DOP1B: variants seen among roughly 807,000 people sequenced by gnomAD.
The protein encoded by DOP1B is protein DOP1B.
Under a neutral mutation model 233.5 loss-of-function variants are expected in DOP1B, and 174 were observed. That is an observed-to-expected ratio of 0.75 (90% confidence interval 0.66 to 0.85). The LOEUF is 0.85. Ranked by LOEUF, DOP1B falls within the 40% of genes least tolerant of loss-of-function variation. The pLI, the probability that DOP1B is intolerant of heterozygous loss-of-function variation, is 0.00. For synonymous variants in DOP1B, 1,190 were observed against 1,185.6 expected, an observed-to-expected ratio of 1.00 and a Z score of -0.08; for missense variants, 2,652 against 2,846.6, an observed-to-expected ratio of 0.93 and a Z score of 1.56.
intron 1 of DOP1B, among the ~76,000 whole-genome samples, chr21:36,163,290 G>A (rs1270525584): frequency 2.8e-5 from 4 of 140,444 alleles, no homozygotes; most frequent in Non-Finnish European, 6.0e-5. Flanking sequence ...GTTGCAGTGA[G>A]CCAAGATTGC....
chr21:36,239,995 G>C (rs375692638), intron 18 of DOP1B, 40 bp downstream of exon 18: 77 of 1,570,646 alleles, frequency 4.9e-5, no homozygotes, highest in Non-Finnish European at 6.0e-5. Context: ...AGGGAGGAAT[G>C]GGTGGGGGGA....
At position 36,260,738 on chromosome 21, in the gene DOP1B, A is replaced by G; in HGVS notation, c.5315+6A>G. 6.2e-7 allele frequency: 1 copy of G among 1,613,988 alleles called. No homozygotes were observed. The highest frequency in any genetic ancestry group is 8.5e-7 in the Non-Finnish European group (1 of 1,179,974). On this transcript the variant is annotated splice_donor_region_variant and intron_variant, in intron 24 of 36. Transcript: ENST00000691173. ...TGCTATGCTTTTCTCCAAAGGTAAT[A>G]CAGTCCCCCGTCCTCCAAAAACTTC...
At chr21:36,269,935 C>A in intron 26 of DOP1B, 78 bp from the exon 27 acceptor site, 1 of 1,464,440 alleles carries the variant, frequency 6.8e-7, no homozygotes. Flanking sequence ...TTTATTTCTA[C>A]TGGACAGTGC....
chr21:36,263,237 CA>C (rs34161973), intron 24 of DOP1B, among the ~76,000 whole-genome samples: 60 of 102,952 alleles, frequency 5.8e-4, no homozygotes, highest in Non-Finnish European at 7.5e-4. Flanking sequence ...TCCGTCTCAC[CA>C]AAAAAAAAAA....
intron 22 of DOP1B, among the ~76,000 whole-genome samples, chr21:36,253,320 C>A (rs1381357135): frequency 1.3e-5 from 2 of 152,166 alleles, no homozygotes; most frequent in Admixed American, 6.5e-5. Context: ...TATTACAGCC[C>A]CATCATGGCC....
chr21:36,286,362 C>T lies in DOP1B; in HGVS notation c.6161-1652C>T, dbSNP rs1344976835. Among the ~76,000 whole-genome samples the T allele has an allele frequency of 2.0e-5, 3 of 151,970 alleles. No individual in the cohort carries two copies. The East Asian group carries it at 5.8e-4, about 29-fold the overall frequency. ...AAAAAAGAAAGGTCAAAGACAGGCG[C>T]GGTGGCTCATGCCTGTAATCCCAGC... On this transcript the variant is annotated intron_variant, in intron 32 of 36. Coordinates refer to ENST00000691173, the MANE Select transcript of DOP1B (RefSeq NM_001320714.2).
At position 36,223,221 on chromosome 21, in the gene DOP1B, C is replaced by T; in HGVS notation, c.1251-10C>T. 1 of 1,585,766 alleles carries T rather than the reference C, an allele frequency of 6.3e-7. No individual in the cohort carries two copies. Among genetic ancestry groups the T allele is most frequent in the East Asian group, 2.3e-5 (1 of 43,100 alleles). On this transcript the variant is annotated splice_polypyrimidine_tract_variant and intron_variant, in intron 10 of 36. Coordinates refer to ENST00000691173, the MANE Select transcript of DOP1B (RefSeq NM_001320714.2). ...ATAGACATATTTATTCATGTCCTCCCCTTTTACAGTGCAATCAAGGAAAAC... is the reference window on the plus strand; with the variant it reads ...ATAGACATATTTATTCATGTCCTCCTCTTTTACAGTGCAATCAAGGAAAAC...
chr21:36,288,920 G>A (rs2067520337), intron 34 of DOP1B, 109 bp downstream of exon 34: 1 of 1,457,452 alleles, frequency 6.9e-7, no homozygotes, highest in East Asian at 2.3e-5. Context: ...TGAAGTACTT[G>A]TGAAAGGACC....
At chr21:36,218,141 T>TA (rs2066582377) in intron 9 of DOP1B, among the ~76,000 whole-genome samples, 1 of 152,234 alleles carries the variant, frequency 6.6e-6, no homozygotes, top group South Asian at 2.1e-4. Context: ...GGCTGGGCTT[T>TA]AGCCATACCT....
At chr21:36,165,419 C>T (rs760536540) in intron 2 of DOP1B, among the ~76,000 whole-genome samples, 2 of 151,870 alleles carry the variant, frequency 1.3e-5, no homozygotes, top group Non-Finnish European at 2.9e-5. Context: ...CATGTGTGTG[C>T]ATACGTGTGT....
At chr21:36,169,692 C>T in intron 2 of DOP1B, 1 of 901,222 alleles carries the variant, frequency 1.1e-6, no homozygotes, top group Non-Finnish European at 1.9e-6. Flanking sequence ...TGGGTGTGGG[C>T]AGCGAGGCGG....
At chr21:36,265,865 ATG>A (rs141182122) in intron 26 of DOP1B, among the ~76,000 whole-genome samples, 4,158 of 152,214 alleles carry the variant, frequency 0.027, 83 homozygotes, top group Non-Finnish European at 0.039. Flanking sequence ...CGTAACCAAA[ATG>A]TGTGGGAATT....
intron 23 of DOP1B, among the ~76,000 whole-genome samples, chr21:36,259,139 G>A (rs993498242): frequency 5.3e-5 from 8 of 151,666 alleles, no homozygotes; most frequent in Non-Finnish European, 4.4e-5. Flanking sequence ...CTAATTTTTT[G>A]TATTTTTAGT....
intron 10 of DOP1B, among the ~76,000 whole-genome samples, chr21:36,221,996 C>T (rs552950014): frequency 8.5e-5 from 13 of 152,132 alleles, no homozygotes; most frequent in African/African-American, 2.9e-4. Context: ...CTCAGCCTCC[C>T]GAGTAGCTGG....
chr21:36,292,207 C>T lies in DOP1B; in HGVS notation c.6619C>T (p.Leu2207=), dbSNP rs759147352. 3 of 1,596,312 alleles carry T rather than the reference C, an allele frequency of 1.9e-6. No individual in the cohort carries two copies. In the South Asian group the frequency reaches 3.5e-5, roughly 18 times the overall value. The stretch of plus-strand genomic sequence containing the variant: ...ATGCAAACCCCACACTGTCAGGATT[C>T]TAGAACTTCTAAAATTAAAGTTTGG... ...QECKPHTVRI[L]ELLKLKFGEI... Residue 2207 remains leucine, a synonymous_variant, in exon 36 of 37, where the codon CTA becomes TTA. Transcript: ENST00000691173.
intron 2 of DOP1B, among the ~76,000 whole-genome samples, chr21:36,167,929 C>CTTTTTTTTT (rs1568996068): frequency 1.0e-4 from 10 of 97,312 alleles, no homozygotes; most frequent in African/African-American, 2.7e-4. Context: ...CTTTTCTTTT[C>CTTTTTTTTT]TTTTCTTTTT....
At chr21:36,198,984 C>T in intron 2 of DOP1B, 86 bp from the exon 3 acceptor site, 1 of 1,390,100 alleles carries the variant, frequency 7.2e-7, no homozygotes, top group South Asian at 1.4e-5. Flanking sequence ...GACATGGCTG[C>T]AGTCTCTCTG....
chr21:36,271,696 C>A, intron 27 of DOP1B, among the ~76,000 whole-genome samples: 1 of 152,100 alleles, frequency 6.6e-6, no homozygotes, highest in East Asian at 1.9e-4. Context: ...TGTATGCCAT[C>A]CTGCTGACCT....
chr21:36,253,735 C>A (rs767206578), intron 22 of DOP1B, 37 bp from the exon 23 acceptor site: 2 of 1,603,152 alleles, frequency 1.2e-6, no homozygotes, highest in Admixed American at 3.4e-5. Context: ...TACTTTCTCT[C>A]TATAAGCTTT....
Sources: allele counts gnomAD v4.1 joint callset (sites outside exome capture counted in the v4.1 genomes callset), GRCh38; gene constraint gnomAD v4.1.1; transcripts MANE v1.5; gene names NCBI Gene and HGNC (gene_info 2026-07-23, HGNC 2026-07-21).